DOCK10: variants seen among roughly 807,000 people sequenced by gnomAD.
DOCK10 encodes dedicator of cytokinesis 10.
In DOCK10, 145 loss-of-function variants were observed where a neutral mutation model predicts 280.1. The ratio of observed to expected loss-of-function variants is 0.52; its 90% CI spans 0.45 to 0.59. The LOEUF (loss-of-function observed/expected upper bound fraction) is 0.59. Among genes scored for constraint, DOCK10 ranks in the 20% least tolerant of loss-of-function variants. DOCK10 has a pLI of 0.00. For missense variants in DOCK10, 2,368 were observed against 2,651.7 expected, an observed-to-expected ratio of 0.89 and a Z score of 2.35; for synonymous variants, 915 against 942.2, an observed-to-expected ratio of 0.97 and a Z score of 0.53.
chr2:224,871,485 A>G (rs1698283638), intron 11 of DOCK10, among the ~76,000 whole-genome samples: 1 of 152,074 alleles, frequency 6.6e-6, no homozygotes, highest in South Asian at 2.1e-4. Context: ...TTCTTGGACA[A>G]CTCTTGTTTT....
chr2:224,797,485 G>A (rs939368816), intron 42 of DOCK10, among the ~76,000 whole-genome samples: 2 of 152,028 alleles, frequency 1.3e-5, no homozygotes, highest in Non-Finnish European at 2.9e-5. Flanking sequence ...CCTCAAAGGC[G>A]GTGGCTGTAT....
chr2:224,876,166 A>G lies in DOCK10; in HGVS notation c.803T>C (p.Phe268Ser), dbSNP rs1362177893. ...TGACTCTGTTTCAGCTGCCAGCACA[A>G]AATAGGTCAGATCATTCATTTTCAA... Reference protein sequence around the residue: ...FELKMNDLTYFVLAAETESDM... With the variant: ...FELKMNDLTYSVLAAETESDM... The change falls in exon 8 of 56, where the codon TTT (phenylalanine) becomes TCT (serine). Residue 268 changes from phenylalanine to serine, a missense_variant. By Grantham distance (155) the Phe-to-Ser change is radical. Transcript: ENST00000258390. 6.2e-7 allele frequency: 1 copy of G among 1,613,844 alleles called. No individual in the cohort carries two copies.
At chr2:225,035,567 TA>T (rs1400972714) in intron 1 of DOCK10, among the ~76,000 whole-genome samples, 12 of 53,666 alleles carry the variant, frequency 2.2e-4, no homozygotes, top group Non-Finnish European at 4.8e-4. Flanking sequence ...TATATATATA[TA>T]TATATATATA....
intron 15 of DOCK10, among the ~76,000 whole-genome samples, chr2:224,855,951 G>A (rs1267658282): frequency 1.3e-5 from 2 of 152,114 alleles, no homozygotes; most frequent in Non-Finnish European, 2.9e-5. Flanking sequence ...TTTACTACAT[G>A]GTAAGATTAT....
At chr2:224,978,083 C>T (rs929042500) in intron 1 of DOCK10, among the ~76,000 whole-genome samples, 2 of 152,174 alleles carry the variant, frequency 1.3e-5, no homozygotes, top group African/African-American at 4.8e-5. Flanking sequence ...AAATAATCAA[C>T]AGATCCCTAT....
intron 32 of DOCK10, 55 bp from the exon 33 acceptor site, chr2:224,807,839 C>G: frequency 1.9e-6 from 3 of 1,575,534 alleles, no homozygotes; most frequent in South Asian, 2.3e-5. Flanking sequence ...ATAGGCTTGT[C>G]GGTTTCATAT....
At chr2:224,807,518 T>C in intron 33 of DOCK10, 150 bp downstream of exon 33, 3 of 574,504 alleles carry the variant, frequency 5.2e-6, no homozygotes, top group Non-Finnish European at 9.3e-6. Flanking sequence ...CTGGAACAAA[T>C]GACACATTGA....
At position 224,930,387 on chromosome 2, in the gene DOCK10, A is replaced by G. The variant is rs1268297736; in HGVS notation, c.243+1162T>C. Among the ~76,000 whole-genome samples, 4 of 152,276 alleles carry G rather than the reference A, an allele frequency of 2.6e-5. No individual in the cohort carries two copies. In the East Asian group the frequency reaches 5.8e-4, roughly 22 times the overall value. On this transcript the variant is annotated intron_variant, in intron 2 of 55. Transcript: ENST00000258390. ...CACGGAAATGAGATCTCTGCACGAG[A>G]TAAGTCTCTCTCAAAATGTGCCAGC...
intron 1 of DOCK10, among the ~76,000 whole-genome samples, chr2:225,008,005 C>T (rs772033875): frequency 7.3e-5 from 11 of 151,700 alleles, no homozygotes; most frequent in South Asian, 2.1e-4. Flanking sequence ...TGACTTTCCA[C>T]GCATAGCAGA....
chr2:224,854,840 TAACCAACCAACTAGCC>T, intron 16 of DOCK10, 107 bp downstream of exon 16: 1 of 638,038 alleles, frequency 1.6e-6, no homozygotes, highest in South Asian at 2.0e-5. Context: ...CAAAACCTTG[TAACCAACCAACTAGCC>T]AACCAACCAA....
chr2:224,901,940 T>C (rs905041964), intron 3 of DOCK10, among the ~76,000 whole-genome samples: 4 of 152,238 alleles, frequency 2.6e-5, no homozygotes, highest in Non-Finnish European at 5.9e-5. Context: ...TATGAGGTTT[T>C]ATTTATAGTG....
Position 224,844,745 on chromosome 2 carries a change from A to G in DOCK10, c.2568+8T>C. On this transcript the variant is annotated splice_region_variant and intron_variant, in intron 22 of 55. Coordinates refer to ENST00000258390, the MANE Select transcript of DOCK10 (RefSeq NM_014689.3). The stretch of plus-strand genomic sequence containing the variant: ...GAAGATGCTAGTATTTCAGGTCAAC[A>G]TACTCACCTGAGTATTTACTGTTGA... 6.4e-7 allele frequency: 1 copy of G among 1,566,972 alleles called. No homozygotes were observed.
intron 7 of DOCK10, among the ~76,000 whole-genome samples, chr2:224,877,798 C>A (rs1334890861): frequency 2.6e-5 from 4 of 152,198 alleles, no homozygotes; most frequent in African/African-American, 9.7e-5. Context: ...TTGGAACATA[C>A]ATTCAAAGTG....
chr2:224,826,906 T>A (rs1694903747), intron 27 of DOCK10, among the ~76,000 whole-genome samples: 1 of 151,486 alleles, frequency 6.6e-6, no homozygotes, highest in African/African-American at 2.4e-5. Context: ...GAGGCTGCAG[T>A]GAGCTATGAT....
chr2:224,852,825 A>G, intron 17 of DOCK10, 110 bp downstream of exon 17: 1 of 959,798 alleles, frequency 1.0e-6, no homozygotes, highest in Non-Finnish European at 1.5e-6. Context: ...ACGGTTTTCT[A>G]TGACAGAGTG....
chr2:225,028,094 T>A (rs1689965941), intron 1 of DOCK10, among the ~76,000 whole-genome samples: 1 of 152,122 alleles, frequency 6.6e-6, no homozygotes, highest in Admixed American at 6.5e-5. Flanking sequence ...AACCTATAAA[T>A]ATACTCATTT....
chr2:224,961,420 T>TTCTTTC (rs944346395), intron 1 of DOCK10, among the ~76,000 whole-genome samples: 1 of 100,026 alleles, frequency 1.0e-5, no homozygotes, highest in African/African-American at 4.3e-5. Flanking sequence ...TTCTCTTTCT[T>TTCTTTC]TCTTTCTTTC....
intron 1 of DOCK10, among the ~76,000 whole-genome samples, chr2:225,004,139 T>C (rs990120820): frequency 1.2e-4 from 18 of 152,210 alleles, no homozygotes; most frequent in African/African-American, 4.1e-4. Flanking sequence ...CTGGAACTCA[T>C]GAATGTGACC....
At chr2:224,877,198 A>C (rs113398830) in intron 7 of DOCK10, among the ~76,000 whole-genome samples, 14 of 152,358 alleles carry the variant, frequency 9.2e-5, no homozygotes, top group African/African-American at 3.4e-4. Flanking sequence ...TCAATTTTCC[A>C]GTCTAGGACA....
Sources: gnomAD v4.1 joint callset for allele counts (sites outside exome capture counted in the v4.1 genomes callset) on GRCh38, gnomAD v4.1.1 for gene constraint, MANE v1.5 for transcripts, NCBI Gene and HGNC (gene_info 2026-07-23, HGNC 2026-07-21) for gene names.